Variants in CEP41 observed in about 807,000 individuals in gnomAD.
CEP41 encodes the protein centrosomal protein 41, also known as centrosomal protein of 41 kDa.
CEP41 carries 32 observed loss-of-function variants against 44.3 expected under a neutral mutation model. The observed-to-expected ratio is 0.72, with a 90% CI of 0.54 to 0.97. The LOEUF (loss-of-function observed/expected upper bound fraction) is 0.97, where lower values mean the gene tolerates loss of function less well. CEP41 is among the 50% of genes least tolerant of loss of function. The pLI is 0.00. For missense variants in CEP41, 432 were observed against 455.2 expected (o/e 0.95, Z 0.46); for synonymous variants, 151 against 168.5 (o/e 0.90, Z 0.80).
At chr7:130,427,247 T>C (rs1209102470) in intron 2 of CEP41, among the ~76,000 whole-genome samples, 1 of 152,046 alleles carries the variant, frequency 6.6e-6, no homozygotes, top group Non-Finnish European at 1.5e-5. Flanking sequence ...ATCACGTGAA[T>C]TTTCCACAGC....
intron 10 of CEP41, chr7:130,399,446 G>A (rs782534639): frequency 2.9e-5 from 7 of 245,198 alleles, no homozygotes; most frequent in East Asian, 9.9e-5. Context: ...AGAAGGAATC[G>A]AAAACTTTCC....
intron 1 of CEP41, among the ~76,000 whole-genome samples, chr7:130,437,387 C>T (rs992342911): frequency 2.0e-5 from 3 of 150,798 alleles, no homozygotes; most frequent in African/African-American, 4.9e-5. Context: ...GTTCCACAAG[C>T]TTCCTGAGAG....
At chr7:130,405,348 A>G (rs1299883512) in intron 5 of CEP41, among the ~76,000 whole-genome samples, 1 of 152,202 alleles carries the variant, frequency 6.6e-6, no homozygotes, top group Non-Finnish European at 1.5e-5. Context: ...CAGAAAAACT[A>G]TGGTTAGTTA....
At chr7:130,413,994 A>G (rs1797261786) in intron 3 of CEP41, among the ~76,000 whole-genome samples, 1 of 152,230 alleles carries the variant, frequency 6.6e-6, no homozygotes, top group Non-Finnish European at 1.5e-5. Flanking sequence ...CTAGCAACAA[A>G]GGAAAGGATT....
chr7:130,426,018 A>G lies in CEP41; in HGVS notation c.97+1937T>C, dbSNP rs188285871. On this transcript the variant is annotated intron_variant, in intron 2 of 10. Transcript: ENST00000223208. ...GGGAGTAGAAAGTGGGTGTGGTTAT[A>G]AAAGGGCAACATAAGGAATCCGTGT... Among the ~76,000 whole-genome samples, 94 of 152,356 alleles carry G rather than the reference A, an allele frequency of 6.2e-4. 1 individual carries two copies. The highest frequency in any genetic ancestry group is 2.2e-3 in the African/African-American group (90 of 41,578).
intron 1 of CEP41, among the ~76,000 whole-genome samples, chr7:130,435,006 C>T (rs1797921984): frequency 6.6e-6 from 1 of 151,914 alleles, no homozygotes; most frequent in Non-Finnish European, 1.5e-5. Context: ...AAAAGGAAGT[C>T]ATTACACTGA....
At chr7:130,412,137 A>G (rs1554419873) in intron 4 of CEP41, 42 bp downstream of exon 4, 1 of 1,095,386 alleles carries the variant, frequency 9.1e-7, no homozygotes, top group East Asian at 2.4e-5. Context: ...AGTGGCACAA[A>G]TTAGACAGAC....
At chr7:130,440,112 T>TG (rs1378744368) in intron 1 of CEP41, among the ~76,000 whole-genome samples, 2 of 150,216 alleles carry the variant, frequency 1.3e-5, no homozygotes, top group Admixed American at 1.3e-4. Context: ...CTCCATCTCC[T>TG]GGGTTCAAGC....
chr7:130,405,851 C>T (rs1171449788), intron 5 of CEP41, among the ~76,000 whole-genome samples: 6 of 152,166 alleles, frequency 3.9e-5, no homozygotes, highest in African/African-American at 1.2e-4. Context: ...TGAAATATTT[C>T]TCCCTTTTCC....
intron 6 of CEP41, among the ~76,000 whole-genome samples, chr7:130,403,643 T>C (rs1202883764): frequency 6.6e-6 from 1 of 152,220 alleles, no homozygotes; most frequent in African/African-American, 2.4e-5. Context: ...CACAGATTAG[T>C]ATGTAGCATA....
chr7:130,399,683 G>A, intron 10 of CEP41: 1 of 262,972 alleles, frequency 3.8e-6, no homozygotes, highest in South Asian at 4.6e-5. Context: ...AGCCTGGTGT[G>A]GTGGCGGGCA....
intron 1 of CEP41, among the ~76,000 whole-genome samples, chr7:130,436,954 G>A (rs1054741690): frequency 1.7e-4 from 26 of 152,100 alleles, no homozygotes; most frequent in African/African-American, 6.0e-4. Context: ...CAGGAGAATC[G>A]CTTGAACCTG....
At chr7:130,433,581 A>T (rs1797883926) in intron 1 of CEP41, among the ~76,000 whole-genome samples, 1 of 152,126 alleles carries the variant, frequency 6.6e-6, no homozygotes, top group Non-Finnish European at 1.5e-5. Context: ...AACAACCAAA[A>T]ATGTCAAAGA....
Position 130,395,753 on chromosome 7 carries a change from T to C in CEP41, c.*3138A>G, listed in dbSNP as rs1437691866. 1 of 453,732 alleles carries C rather than the reference T, an allele frequency of 2.2e-6. No homozygotes were observed. The highest frequency in any genetic ancestry group is 2.0e-5 in the African/African-American group (1 of 49,976). The allele number at this position is 453,732 out of a possible 1,614,324, so 28.1% of individuals were successfully genotyped here. A position where few individuals can be genotyped will look rare whatever the true frequency, so the allele number is the denominator to read the frequency against. On this transcript the variant is annotated 3_prime_UTR_variant, in exon 11 of 11. Transcript: ENST00000223208. The stretch of plus-strand genomic sequence containing the variant: ...GAGTAGCCTAAAGTCTTAAGAATTT[T>C]TGTATAATTTAAATAGCACCACAGG...
chr7:130,428,169 A>G, intron 1 of CEP41, 151 bp from the exon 2 acceptor site: 1 of 663,168 alleles, frequency 1.5e-6, no homozygotes, highest in African/African-American at 1.8e-5. Flanking sequence ...CACGCCTGTA[A>G]TCCTAACACT....
At chr7:130,430,194 A>T (rs929627660) in intron 1 of CEP41, among the ~76,000 whole-genome samples, 19 of 152,204 alleles carry the variant, frequency 1.2e-4, no homozygotes, top group Non-Finnish European at 2.2e-4. Flanking sequence ...TTAAAACTAG[A>T]GGCACCTTTT....
intron 7 of CEP41, 89 bp from the exon 8 acceptor site, chr7:130,402,037 A>T: frequency 2.3e-6 from 2 of 877,448 alleles, no homozygotes; most frequent in East Asian, 5.0e-5. Context: ...TCTAAGAGTT[A>T]AATACATCTT....
At chr7:130,426,328 AT>A (rs1437601164) in intron 2 of CEP41, among the ~76,000 whole-genome samples, 1 of 152,204 alleles carries the variant, frequency 6.6e-6, no homozygotes, top group East Asian at 1.9e-4. Context: ...TATCAAAAAA[AT>A]GAAATTAATC....
At chr7:130,405,876 G>A (rs1796993594) in intron 5 of CEP41, among the ~76,000 whole-genome samples, 1 of 152,162 alleles carries the variant, frequency 6.6e-6, no homozygotes, top group Non-Finnish European at 1.5e-5. Context: ...ACAGGTTTGT[G>A]TGAGCTGGAT....
Sources: allele counts gnomAD v4.1 joint callset (sites outside exome capture counted in the v4.1 genomes callset), GRCh38; gene constraint gnomAD v4.1.1; transcripts MANE v1.5; gene names NCBI Gene and HGNC (gene_info 2026-07-23, HGNC 2026-07-21).